Variants in AMDHD1 observed in about 807,000 individuals in gnomAD.
AMDHD1 encodes probable imidazolonepropionase.
In AMDHD1, 45 loss-of-function variants were observed where a neutral mutation model predicts 44.1. That is an observed-to-expected ratio of 1.02 (90% confidence interval 0.80 to 1.31). The LOEUF (loss-of-function observed/expected upper bound fraction) is 1.31. Ranked by LOEUF, AMDHD1 falls within the 50% of genes most tolerant of loss-of-function variation. The pLI is 0.00. For synonymous variants in AMDHD1, 206 were observed against 205.0 expected (o/e 1.00, Z -0.04); for missense variants, 586 against 552.1 (o/e 1.06, Z -0.61).
Position 95,945,695 on chromosome 12 carries a change from T to C in AMDHD1, c.137+2160T>C, listed in dbSNP as rs188128956. Among the ~76,000 whole-genome samples, 344 of 152,196 alleles carry C rather than the reference T, an allele frequency of 2.3e-3. 1 individual carries two copies. The highest frequency in any genetic ancestry group is 6.8e-3 in the Middle Eastern group (2 of 294). On this transcript the variant is annotated intron_variant, in intron 1 of 8. Transcript: ENST00000266736. ...CACAGGCTGTGAGTGTGAGTGTGTA[T>C]AGGGAGAGGGGTACTGATTAAAAGC...
chr12:95,964,391 G>A (rs184671327), intron 6 of AMDHD1, among the ~76,000 whole-genome samples: 3 of 152,272 alleles, frequency 2.0e-5, no homozygotes, highest in Non-Finnish European at 2.9e-5. Flanking sequence ...CTTTAATCAT[G>A]TATTTTATGT....
chr12:95,967,057 A>C (rs1194640786), intron 8 of AMDHD1, among the ~76,000 whole-genome samples: 1 of 152,242 alleles, frequency 6.6e-6, no homozygotes, highest in Non-Finnish European at 1.5e-5. Flanking sequence ...AAAGAGGTTT[A>C]ATCGACTCAC....
chr12:95,943,502 C>T lies in AMDHD1; in HGVS notation c.104C>T (p.Ala35Val). ...GCGCGGGATGCGCTGCGCAGCCTGG[C>T]GGTGCTGGAAGGCGCCAGCCTGGTG... ...FLARDALRSLAVLEGASLVVG... is the reference protein window; with the variant it reads ...FLARDALRSLVVLEGASLVVG... The change falls in exon 1 of 9, where the codon GCG (alanine) becomes GTG (valine). Residue 35 changes from alanine (A) to valine (V), a missense_variant. Coordinates refer to ENST00000266736, the MANE Select transcript of AMDHD1 (RefSeq NM_152435.3). The T allele has an allele frequency of 2.7e-6, 4 of 1,496,090 alleles. No homozygotes were observed. Among genetic ancestry groups the T allele is most frequent in the South Asian group, 1.2e-5 (1 of 80,192 alleles). 92.7% of individuals were successfully genotyped at this position (1,496,090 alleles called of 1,614,324 possible).
At chr12:95,944,004 G>A (rs556238513) in intron 1 of AMDHD1, among the ~76,000 whole-genome samples, 1 of 152,194 alleles carries the variant, frequency 6.6e-6, no homozygotes, top group African/African-American at 2.4e-5. Flanking sequence ...TCACATCCTC[G>A]TGATCTCGTA....
intron 4 of AMDHD1, 53 bp downstream of exon 4, chr12:95,957,015 C>G: frequency 6.2e-7 from 1 of 1,600,206 alleles, no homozygotes; most frequent in Non-Finnish European, 8.5e-7. Flanking sequence ...GAAAACGAAC[C>G]CCGGGGGTGG....
chr12:95,966,610 G>GAGTCCA, intron 8 of AMDHD1, 102 bp downstream of exon 8: 8 of 1,405,206 alleles, frequency 5.7e-6, no homozygotes, highest in Non-Finnish European at 7.9e-6. Flanking sequence ...GACTCTGTCT[G>GAGTCCA]GACTCAGACA....
intron 1 of AMDHD1, among the ~76,000 whole-genome samples, chr12:95,950,466 T>C (rs1295488182): frequency 2.0e-5 from 3 of 152,218 alleles, no homozygotes; most frequent in Non-Finnish European, 4.4e-5. Flanking sequence ...CTCAGGTTTA[T>C]AGCCCTCAAT....
Position 95,967,741 on chromosome 12 carries a change from T to G in AMDHD1, c.1194-15T>G. 2 of 1,538,762 alleles carry G rather than the reference T, an allele frequency of 1.3e-6. No individual in the cohort carries two copies. The highest frequency in any genetic ancestry group is 8.7e-7 in the Non-Finnish European group (1 of 1,145,280). On this transcript the variant is annotated splice_polypyrimidine_tract_variant and intron_variant, in intron 8 of 8. Coordinates refer to ENST00000266736, the MANE Select transcript of AMDHD1 (RefSeq NM_152435.3). Reference sequence around the variant, plus strand: ...ACATTGAAGTAATATTTGTTGTTTTTTTTTTTTTTTCTAGATGGGAGCATT... The same window carrying G: ...ACATTGAAGTAATATTTGTTGTTTTGTTTTTTTTTTCTAGATGGGAGCATT...
chr12:95,960,719 G>A, intron 5 of AMDHD1, 96 bp downstream of exon 5: 8 of 1,237,244 alleles, frequency 6.5e-6, no homozygotes, highest in Non-Finnish European at 9.1e-6. Context: ...CCTCTGAAAA[G>A]ATATTGAATG....
At chr12:95,964,914 AGAGAT>A (rs2080601139) in intron 6 of AMDHD1, among the ~76,000 whole-genome samples, 1 of 120,218 alleles carries the variant, frequency 8.3e-6, no homozygotes, top group Non-Finnish European at 1.7e-5. Context: ...AAGGACCTAC[AGAGAT>A]GTTTGAGGCA....
At chr12:95,965,921 GCAGTGTA>G in intron 7 of AMDHD1, 142 bp downstream of exon 7, 1 of 601,114 alleles carries the variant, frequency 1.7e-6, no homozygotes, top group South Asian at 2.7e-5. Context: ...GGGGTAGACA[GCAGTGTA>G]ATTGGATTTT....
intron 1 of AMDHD1, among the ~76,000 whole-genome samples, chr12:95,945,415 T>A (rs1001216993): frequency 6.6e-6 from 1 of 152,234 alleles, no homozygotes; most frequent in Non-Finnish European, 1.5e-5. Context: ...TTGTTTTTAT[T>A]TTCACTTACT....
rs1982138 is a variant in AMDHD1 at position 95,952,816 on chromosome 12, T to C, written c.237T>C (p.Ile79=). Residue 79 remains isoleucine (I), a synonymous_variant, in exon 2 of 9, where the codon ATT becomes ATC. Transcript: ENST00000266736. ...EEIIDCSGKC[I]LPGLVDAHTH... ...TAATTGACTGCTCTGGGAAATGTAT[T>C]CTACCAGGTATTTACCTCTTTTTCA... The C allele has an allele frequency of 0.25, 397,018 of 1,591,936 alleles. 53,170 individuals carry two copies. Among genetic ancestry groups the C allele is most frequent in the East Asian group, 0.44 (19,614 of 44,610 alleles).
At position 95,967,987 on chromosome 12, in the gene AMDHD1, C is replaced by A; in HGVS notation, c.*144C>A. ...TGTCTTTTTAAGTCACTCAAAAAAC[C>A]CAAGGGATAGATTTATTTTCATTTA... On this transcript the variant is annotated 3_prime_UTR_variant, in exon 9 of 9. Coordinates refer to ENST00000266736, the MANE Select transcript of AMDHD1 (RefSeq NM_152435.3). The A allele has an allele frequency of 3.5e-6, 2 of 570,850 alleles. No individual in the cohort carries two copies. Among genetic ancestry groups the A allele is most frequent in the South Asian group, 5.1e-5 (2 of 38,882 alleles). The allele number at this position is 570,850 out of a possible 1,614,324, so 35.4% of individuals were successfully genotyped here. A position where few individuals can be genotyped will look rare whatever the true frequency, so the allele number is the denominator to read the frequency against.
chr12:95,965,792 T>G lies in AMDHD1; in HGVS notation c.1032+13T>G, dbSNP rs770894004. 1 of 1,555,696 alleles carries G rather than the reference T, an allele frequency of 6.4e-7. No homozygotes were observed. The highest frequency in any genetic ancestry group is 8.8e-7 in the Non-Finnish European group (1 of 1,131,644). ...TTGCTTTTCAATGGTAATTATTTTT[T>G]TCATGTACCTTTCTGAGCAGAGTAT... On this transcript the variant is annotated intron_variant, in intron 7 of 8. Coordinates refer to ENST00000266736, the MANE Select transcript of AMDHD1 (RefSeq NM_152435.3).
chr12:95,955,416 A>G (rs2080545031), intron 3 of AMDHD1, among the ~76,000 whole-genome samples: 2 of 152,082 alleles, frequency 1.3e-5, no homozygotes, highest in Admixed American at 1.3e-4. Flanking sequence ...GCTGTAACCA[A>G]CTCCTAAATC....
chr12:95,948,555 C>T lies in AMDHD1; in HGVS notation c.138-4162C>T, dbSNP rs1408502151. 1.4e-4 allele frequency among the ~76,000 whole-genome samples: 12 copies of T among 85,808 alleles called. 1 individual carries two copies. The highest frequency in any genetic ancestry group is 4.7e-4 in the African/African-American group (10 of 21,118). The allele number at this position is 85,808 out of a possible 152,430, so 56.3% of individuals were successfully genotyped here. A position where few individuals can be genotyped will look rare whatever the true frequency, so the allele number is the denominator to read the frequency against. On this transcript the variant is annotated intron_variant, in intron 1 of 8. Transcript: ENST00000266736. ...GAGGGAGGTGGGGGGGGGGTCAGCC[C>T]CCACCGCCCAGCCAGCCGACCCGTC...
At chr12:95,953,318 C>T (rs1009313543) in intron 2 of AMDHD1, among the ~76,000 whole-genome samples, 2 of 152,134 alleles carry the variant, frequency 1.3e-5, no homozygotes, top group East Asian at 1.9e-4. Context: ...AAGGATCCAG[C>T]TCTGGGCAGA....
intron 6 of AMDHD1, among the ~76,000 whole-genome samples, chr12:95,964,970 G>A (rs1592827286): frequency 8.0e-6 from 1 of 124,620 alleles, no homozygotes; most frequent in Admixed American, 8.5e-5. Flanking sequence ...AGGGAGAGAT[G>A]TGAATAGGAA....
Sources: allele counts gnomAD v4.1 joint callset (sites outside exome capture counted in the v4.1 genomes callset), GRCh38; gene constraint gnomAD v4.1.1; transcripts MANE v1.5; gene names NCBI Gene and HGNC (gene_info 2026-07-23, HGNC 2026-07-21).